MLKL: variants seen among roughly 807,000 people sequenced by gnomAD.
MLKL encodes mixed lineage kinase domain-like protein.
Under a neutral mutation model 56.5 loss-of-function variants are expected in MLKL, and 55 were observed. That is an observed-to-expected ratio of 0.97 (90% confidence interval 0.78 to 1.22). MLKL has a LOEUF of 1.22. Ranked by LOEUF, MLKL falls within the 50% of genes most tolerant of loss-of-function variation. MLKL has a pLI of 0.00. For missense variants in MLKL, 694 were observed against 573.9 expected (o/e 1.21, Z -2.14); for synonymous variants, 251 against 208.3 (o/e 1.20, Z -1.76).
At chr16:74,694,856 T>TTTTGTTTG (rs112051972) in intron 2 of MLKL, among the ~76,000 whole-genome samples, 7,083 of 150,904 alleles carry the variant, frequency 0.047, 222 homozygotes, top group African/African-American at 0.09. Flanking sequence ...ATGTTAGGAG[T>TTTTGTTTG]TTTGTTTGTT....
chr16:74,679,581 A>G (rs910849019), intron 6 of MLKL, among the ~76,000 whole-genome samples: 1 of 152,150 alleles, frequency 6.6e-6, no homozygotes, highest in Non-Finnish European at 1.5e-5. Flanking sequence ...ACCAAGGTGG[A>G]TGGATCACTT....
At chr16:74,699,536 T>C in intron 1 of MLKL, among the ~76,000 whole-genome samples, 1 of 152,150 alleles carries the variant, frequency 6.6e-6, no homozygotes, top group Non-Finnish European at 1.5e-5. Flanking sequence ...ACTGGGCAAT[T>C]TGAATTTCTA....
At chr16:74,684,105 G>A (rs577317273) in intron 5 of MLKL, among the ~76,000 whole-genome samples, 2 of 151,168 alleles carry the variant, frequency 1.3e-5, no homozygotes, top group African/African-American at 4.9e-5. Flanking sequence ...CCACCACCAC[G>A]CCCAGTTAAT....
chr16:74,685,331 T>C (rs1960256360), intron 5 of MLKL, among the ~76,000 whole-genome samples, 155 bp downstream of exon 5: 1 of 151,752 alleles, frequency 6.6e-6, no homozygotes, highest in African/African-American at 2.4e-5. Context: ...AGAACATGCA[T>C]CTTGGGATGA....
chr16:74,692,509 AT>A (rs58129474), intron 2 of MLKL, 93 bp from the exon 3 acceptor site: 5 of 966,968 alleles, frequency 5.2e-6, no homozygotes, highest in Admixed American at 4.8e-5. Context: ...TTGAGATATC[AT>A]TTTTTACCTA....
intron 5 of MLKL, among the ~76,000 whole-genome samples, chr16:74,684,989 C>T (rs141550439): frequency 0.01 from 1,533 of 152,202 alleles, 25 homozygotes; most frequent in African/African-American, 0.035. Flanking sequence ...CTCAGCCTCC[C>T]GAGTAGCTGG....
intron 7 of MLKL, chr16:74,675,982 C>A: frequency 1.8e-6 from 1 of 569,116 alleles, no homozygotes; most frequent in Non-Finnish European, 3.0e-6. Context: ...GAGATTTCTT[C>A]TGTATAAAAT....
intron 2 of MLKL, among the ~76,000 whole-genome samples, chr16:74,694,820 C>A (rs1960922560): frequency 6.6e-6 from 1 of 152,094 alleles, no homozygotes; most frequent in African/African-American, 2.4e-5. Context: ...ATTTCACCAG[C>A]CCCCACCATA....
chr16:74,674,502 T>G (rs1959457043), intron 10 of MLKL, among the ~76,000 whole-genome samples: 1 of 149,868 alleles, frequency 6.7e-6, no homozygotes, highest in African/African-American at 2.5e-5. Flanking sequence ...CAGGCTGGAG[T>G]GCAGTGGTAC....
Position 74,695,296 on chromosome 16 carries a change from G to A in MLKL, c.460+2C>T, listed in dbSNP as rs764118642. On this transcript the variant is annotated splice_donor_variant, in intron 2 of 10. Transcript: ENST00000308807. LOFTEE classifies it low-confidence loss of function (GC_TO_GT_DONOR). The stretch of plus-strand genomic sequence containing the variant: ...CCACTCCCCACCAAAGACCCAGCTT[G>A]CCTCTTCTTAGCATCTGGAAAGCTC... 2.5e-6 allele frequency: 4 copies of A among 1,612,392 alleles called. No homozygotes were observed. The highest frequency in any genetic ancestry group is 1.7e-6 in the Non-Finnish European group (2 of 1,179,084).
At chr16:74,694,574 G>T (rs1049519867) in intron 2 of MLKL, among the ~76,000 whole-genome samples, 12 of 152,040 alleles carry the variant, frequency 7.9e-5, no homozygotes, top group Admixed American at 2.6e-4. Flanking sequence ...ACACCAGCCT[G>T]GGCAACATAG....
chr16:74,683,115 C>T (rs1429457109), intron 5 of MLKL, among the ~76,000 whole-genome samples: 2 of 152,070 alleles, frequency 1.3e-5, no homozygotes, highest in African/African-American at 2.4e-5. Flanking sequence ...TTGAGATCAG[C>T]CTGGCCTACG....
At chr16:74,692,171 T>C (rs561794353) in intron 3 of MLKL, among the ~76,000 whole-genome samples, 171 bp downstream of exon 3, 1 of 152,334 alleles carries the variant, frequency 6.6e-6, no homozygotes, top group South Asian at 2.1e-4. Flanking sequence ...TGTTATTCCA[T>C]GGACAGAAGC....
chr16:74,685,627 G>T lies in MLKL; in HGVS notation c.723-44C>A, dbSNP rs370555939. 525 of 1,497,380 alleles carry T rather than the reference G, an allele frequency of 3.5e-4. 1 individual carries two copies. Among genetic ancestry groups the T allele is most frequent in the South Asian group, 1.8e-3 (162 of 87,726 alleles). 92.8% of individuals were successfully genotyped at this position (1,497,380 alleles called of 1,614,324 possible). A position where few individuals can be genotyped will look rare whatever the true frequency, so the allele number is the denominator to read the frequency against. On this transcript the variant is annotated intron_variant, in intron 4 of 10. Transcript: ENST00000308807. ...GAAATCAGGATTTCAGAACTGGAAG[G>T]TTCCTTAGAGAACATTCAGTGTGGT... is the stretch of plus-strand genomic sequence containing the variant.
chr16:74,691,320 C>A lies in MLKL; in HGVS notation c.679G>T (p.Val227Leu), dbSNP rs1465902874. Residue 227 changes from valine (V) to leucine (L), a missense_variant, in exon 4 of 11, where the codon GTG becomes TTG. Physicochemically the swap from Val to Leu is conservative, Grantham distance 32. Coordinates refer to ENST00000308807, the MANE Select transcript of MLKL (RefSeq NM_152649.4). Reference protein sequence around the residue: ...LYKGEYHRAPVAIKVFKKLQA... With the variant: ...LYKGEYHRAPLAIKVFKKLQA... ...AGTTTTTTGAATACTTTTATGGCCA[C>A]TGGAGCTCTGTGGTATTCTCCTTTA... is the stretch of plus-strand genomic sequence containing the variant. 1 of 1,613,274 alleles carries A rather than the reference C, an allele frequency of 6.2e-7. No homozygotes were observed. Among genetic ancestry groups the A allele is most frequent in the Middle Eastern group, 1.7e-4 (1 of 6,056 alleles).
At position 74,675,712 on chromosome 16, in the gene MLKL, G is replaced by C; in HGVS notation, c.1091C>G (p.Thr364Arg). The change falls in exon 8 of 11, where the codon ACG (threonine) becomes AGG (arginine). Residue 364 changes from threonine (T) to arginine (R), a missense_variant. Coordinates refer to ENST00000308807, the MANE Select transcript of MLKL (RefSeq NM_152649.4). ...KTQTSMSLGT[T>R]REKTDRVKST... ...TTTGACTCTGTCTGTCTTTTCTCTC[G>C]TAGTTCCCAAACTCATGGAAGTCTG... 1 of 1,614,050 alleles carries C rather than the reference G, an allele frequency of 6.2e-7. No homozygotes were observed. Among genetic ancestry groups the C allele is most frequent in the Non-Finnish European group, 8.5e-7 (1 of 1,180,012 alleles).
At chr16:74,687,713 G>A (rs111238316) in intron 4 of MLKL, among the ~76,000 whole-genome samples, 240 of 152,104 alleles carry the variant, frequency 1.6e-3, no homozygotes, top group African/African-American at 5.5e-3. Context: ...CTGTCACCCA[G>A]GCTGGAGTGC....
intron 4 of MLKL, among the ~76,000 whole-genome samples, chr16:74,689,585 C>G (rs949252144): frequency 6.6e-6 from 1 of 151,828 alleles, no homozygotes; most frequent in Non-Finnish European, 1.5e-5. Context: ...CTAAGTCAAC[C>G]TGAAAAAGAA....
chr16:74,678,842 T>G, intron 7 of MLKL, 57 bp downstream of exon 7: 1 of 1,265,898 alleles, frequency 7.9e-7, no homozygotes, highest in Non-Finnish European at 1.2e-6. Context: ...CTCGTGCCCC[T>G]CTCATAGCAC....
Sources: gnomAD v4.1 joint callset for allele counts (sites outside exome capture counted in the v4.1 genomes callset) on GRCh38, gnomAD v4.1.1 for gene constraint, MANE v1.5 for transcripts, NCBI Gene and HGNC (gene_info 2026-07-23, HGNC 2026-07-21) for gene names.